Variants in HTR1B observed in about 807,000 individuals in gnomAD.
HTR1B encodes the protein 5-hydroxytryptamine (serotonin) receptor 1B, G protein-coupled.
In HTR1B, 12 loss-of-function variants were observed where a neutral mutation model predicts 25.3. The observed-to-expected ratio is 0.47, with a 90% CI of 0.30 to 0.77. The LOEUF is 0.77. HTR1B is among the 30% of genes least tolerant of loss of function. The probability of loss-of-function intolerance (pLI) is 0.06; values close to 1 mark genes in which losing one functional copy is unlikely to be tolerated. For missense variants in HTR1B, 453 were observed against 503.0 expected (o/e 0.90, Z 0.95); for synonymous variants, 224 against 219.1 (o/e 1.02, Z -0.20).
Position 77,462,967 on chromosome 6 carries a change from T to C in HTR1B, c.437A>G (p.Asp146Gly). The part of the protein sequence containing the change: ...SILHLCVIAL[D>G]RYWAITDAVE... ...GGCGTCCGTGATGGCCCAGTAGCGG[T>C]CCAGGGCGATGACACAGAGGTGCAG... The change falls in exon 1 of 1, where the codon GAC becomes GGC. Residue 146 changes from aspartate to glycine, a missense_variant. By Grantham distance (94) the Asp-to-Gly change is moderately conservative. Transcript: ENST00000369947. This position sits in a 1 kb window ranked among gnomAD's most constrained non-coding sequence, Gnocchi z 4.9. 6.2e-7 allele frequency: 1 copy of C among 1,613,976 alleles called. No homozygotes were observed. The highest frequency in any genetic ancestry group is 8.5e-7 in the Non-Finnish European group (1 of 1,180,030).
Position 77,462,646 on chromosome 6 carries a change from C to T in HTR1B, c.758G>A (p.Arg253Gln), listed in dbSNP as rs774927649. ...GGGGGAGTCGGTTATCAGCTGGGCT[C>T]GGGTCAAGCGCTTGCCGGTCCTGTT... ...TPNRTGKRLT[R>Q]AQLITDSPGS... The change falls in exon 1 of 1, where the codon CGA becomes CAA. Residue 253 changes from arginine (R) to glutamine (Q), a missense_variant. Coordinates refer to ENST00000369947, the MANE Select transcript of HTR1B (RefSeq NM_000863.3). The surrounding 1 kb of genome is among the most constrained non-coding windows in gnomAD (Gnocchi z 4.9). 29 of 1,613,054 alleles carry T rather than the reference C, an allele frequency of 1.8e-5. No individual in the cohort carries two copies. Among genetic ancestry groups the T allele is most frequent in the East Asian group, 6.7e-5 (3 of 44,866 alleles).
chr6:77,462,965 G>T lies in HTR1B; in HGVS notation c.439C>A (p.Arg147Ser). ...ILHLCVIALDRYWAITDAVEY... is the reference protein window; with the variant it reads ...ILHLCVIALDSYWAITDAVEY... ...ACGGCGTCCGTGATGGCCCAGTAGC[G>T]GTCCAGGGCGATGACACAGAGGTGC... Residue 147 changes from arginine (R) to serine (S), a missense_variant, in exon 1 of 1, where the codon CGC (arginine) becomes AGC (serine). Transcript: ENST00000369947. The surrounding 1 kb of genome is among the most constrained non-coding windows in gnomAD (Gnocchi z 4.9). 6.2e-7 allele frequency: 1 copy of T among 1,614,082 alleles called. No individual in the cohort carries two copies. Among genetic ancestry groups the T allele is most frequent in the Non-Finnish European group, 8.5e-7 (1 of 1,180,048 alleles).
At position 77,462,000 on chromosome 6, in the gene HTR1B, G is replaced by C. The variant is rs73469291; in HGVS notation, c.*231C>G. 6 of 518,788 alleles carry C rather than the reference G, an allele frequency of 1.2e-5. No homozygotes were observed. Among genetic ancestry groups the C allele is most frequent in the Non-Finnish European group, 1.7e-5 (5 of 291,540 alleles). The allele number at this position is 518,788 out of a possible 1,614,324, so 32.1% of individuals were successfully genotyped here. A position where few individuals can be genotyped will look rare whatever the true frequency, so the allele number is the denominator to read the frequency against. On this transcript the variant is annotated 3_prime_UTR_variant, in exon 1 of 1. Coordinates refer to ENST00000369947, the MANE Select transcript of HTR1B (RefSeq NM_000863.3). ...CAGTGCTGAGCCCGGGGCTTGAGGG[G>C]AGGAAGTGAGCCTCCTCCTGGGCAG...
Position 77,462,305 on chromosome 6 carries a change from T to G in HTR1B, c.1099A>C (p.Ile367Leu). ...LGYLNSLINPIIYTMSNEDFK... is the reference protein window; with the variant it reads ...LGYLNSLINPLIYTMSNEDFK... Reference sequence around the variant, plus strand: ...TCCTCATTGGACATGGTATAGATTATGGGGTTGATGAGGGAGTTGAGATAG... The same window carrying G: ...TCCTCATTGGACATGGTATAGATTAGGGGGTTGATGAGGGAGTTGAGATAG... The change falls in exon 1 of 1, where the codon ATA (isoleucine) becomes CTA (leucine). Residue 367 changes from isoleucine (I) to leucine (L), a missense_variant. Ile to Leu is a conservative substitution (Grantham distance 5). Coordinates refer to ENST00000369947, the MANE Select transcript of HTR1B (RefSeq NM_000863.3). The surrounding 1 kb of genome is among the most constrained non-coding windows in gnomAD (Gnocchi z 4.9). 6.2e-7 allele frequency: 1 copy of G among 1,614,048 alleles called. No homozygotes were observed. Among genetic ancestry groups the G allele is most frequent in the Non-Finnish European group, 8.5e-7 (1 of 1,179,940 alleles).
chr6:77,462,902 C>A lies in HTR1B; in HGVS notation c.502G>T (p.Val168Phe). 6.2e-7 allele frequency: 1 copy of A among 1,614,022 alleles called. No individual in the cohort carries two copies. Among genetic ancestry groups the A allele is most frequent in the Non-Finnish European group, 8.5e-7 (1 of 1,180,036 alleles). Residue 168 changes from valine (V) to phenylalanine (F), a missense_variant, in exon 1 of 1, where the codon GTC becomes TTC. This residue lies in a region of HTR1B where 289 missense variants were observed against 319.6 expected (regional missense o/e 0.90). Coordinates refer to ENST00000369947, the MANE Select transcript of HTR1B (RefSeq NM_000863.3). The surrounding 1 kb of genome is among the most constrained non-coding windows in gnomAD (Gnocchi z 4.9). ...SAKRTPKRAA[V>F]MIALVWVFSI... is the part of the protein sequence containing the mutation. ...AAGACCCACACCAGCGCGATCATGA[C>A]CGCCGCCCTCTTGGGAGTCCTTTTA...
In HTR1B at chr6:77,461,350, T is replaced by C. The variant is rs1252260201; in HGVS notation, c.*881A>G. ...TACCCTTCATTTATGGGGATTTAAA[T>C]GTGTAAAGTGACAGGTACATGAAAT... is the stretch of plus-strand genomic sequence containing the variant. On this transcript the variant is annotated 3_prime_UTR_variant, in exon 1 of 1. Coordinates refer to ENST00000369947, the MANE Select transcript of HTR1B (RefSeq NM_000863.3). 6.6e-6 allele frequency among the ~76,000 whole-genome samples: 1 copy of C among 152,172 alleles called. No homozygotes were observed. The highest frequency in any genetic ancestry group is 2.4e-5 in the African/African-American group (1 of 41,434).
rs908172549 is a variant in HTR1B at position 77,461,266 on chromosome 6, G to A, written c.*965C>T. Among the ~76,000 whole-genome samples, 15 of 152,064 alleles carry A rather than the reference G, an allele frequency of 9.9e-5. No individual in the cohort carries two copies. The highest frequency in any genetic ancestry group is 1.8e-4 in the Non-Finnish European group (12 of 68,018). Reference sequence around the variant, plus strand: ...AAACAGTATATTTCCAATACTAATCGGTTTTACCAATTGCATTAGTAAGAA... The same window carrying A: ...AAACAGTATATTTCCAATACTAATCAGTTTTACCAATTGCATTAGTAAGAA... On this transcript the variant is annotated 3_prime_UTR_variant, in exon 1 of 1. Coordinates refer to ENST00000369947, the MANE Select transcript of HTR1B (RefSeq NM_000863.3).
rs201793745 is a variant in HTR1B at position 77,462,547 on chromosome 6, T to G, written c.857A>C (p.Tyr286Ser). 1.9e-6 allele frequency: 3 copies of G among 1,613,572 alleles called. No homozygotes were observed. The highest frequency in any genetic ancestry group is 2.5e-6 in the Non-Finnish European group (3 of 1,180,014). ...DVPSESGSPV[Y>S]VNQVKVRVSD... ...GACTCGCACTTTGACTTGGTTCACA[T>G]ACACAGGAGATCCGGATTCGCTGGG... The change falls in exon 1 of 1, where the codon TAT (tyrosine) becomes TCT (serine). Residue 286 changes from tyrosine to serine, a missense_variant. This residue lies in a region of HTR1B where 289 missense variants were observed against 319.6 expected (regional missense o/e 0.90). Transcript: ENST00000369947. The surrounding 1 kb of genome is among the most constrained non-coding windows in gnomAD (Gnocchi z 4.9).
rs943889573 is a variant in HTR1B at position 77,463,410 on chromosome 6, C to T, written c.-7G>A. 1.2e-6 allele frequency: 2 copies of T among 1,607,292 alleles called. No homozygotes were observed. Among genetic ancestry groups the T allele is most frequent in the Middle Eastern group, 4.0e-4 (2 of 5,034 alleles). On this transcript the variant is annotated 5_prime_UTR_variant, in exon 1 of 1. Coordinates refer to ENST00000369947, the MANE Select transcript of HTR1B (RefSeq NM_000863.3). ...GAGCACCCGGTTCCTCCATGGCTCT[C>T]CTCGCCCCAGCTCCGGAGCGCAGCT...
rs1166194002 is a variant in HTR1B at position 77,462,835 on chromosome 6, G to C, written c.569C>G (p.Ala190Gly). The change falls in exon 1 of 1, where the codon GCT becomes GGT. Residue 190 changes from alanine to glycine, a missense_variant. Physicochemically the swap from Ala to Gly is moderately conservative, Grantham distance 60 (BLOSUM62 0). This residue lies in a region of HTR1B where 289 missense variants were observed against 319.6 expected (regional missense o/e 0.90). Coordinates refer to ENST00000369947, the MANE Select transcript of HTR1B (RefSeq NM_000863.3). The surrounding 1 kb of genome is among the most constrained non-coding windows in gnomAD (Gnocchi z 4.9). ...TTCCGACACCTCCTCTTCGGCCTTAGCCTGACGCCAGAAGAAGGGCGGCAG... is the reference window on the plus strand; with the variant it reads ...TTCCGACACCTCCTCTTCGGCCTTACCCTGACGCCAGAAGAAGGGCGGCAG... ...ISLPPFFWRQ[A>G]KAEEEVSECV... is the part of the protein sequence containing the mutation. 1.2e-6 allele frequency: 2 copies of C among 1,613,928 alleles called. No homozygotes were observed. The highest frequency in any genetic ancestry group is 1.7e-6 in the Non-Finnish European group (2 of 1,180,038).
chr6:77,463,439 G>C lies in HTR1B; in HGVS notation c.-36C>G, dbSNP rs1026647578. 35 of 1,567,612 alleles carry C rather than the reference G, an allele frequency of 2.2e-5. No individual in the cohort carries two copies. Among genetic ancestry groups the C allele is most frequent in the Non-Finnish European group, 2.4e-5 (28 of 1,150,750 alleles). ...GCCCCAGCTCCGGAGCGCAGCTCTT[G>C]GGCATGGAGCGGACGAAGGAGAGGG... On this transcript the variant is annotated 5_prime_UTR_variant, in exon 1 of 1. Coordinates refer to ENST00000369947, the MANE Select transcript of HTR1B (RefSeq NM_000863.3).
In HTR1B at chr6:77,462,154, A is replaced by G; in HGVS notation, c.*77T>C. The G allele has an allele frequency of 1.0e-6, 1 of 993,740 alleles. No homozygotes were observed. Among genetic ancestry groups the G allele is most frequent in the South Asian group, 1.5e-5 (1 of 65,130 alleles). 61.6% of individuals were successfully genotyped at this position (993,740 alleles called of 1,614,324 possible). Reference sequence around the variant, plus strand: ...GCTGGGACCCAGAAACCGCGAAAGAAGATTCGACCTACCTGTGGAACCAGA... The same window carrying G: ...GCTGGGACCCAGAAACCGCGAAAGAGGATTCGACCTACCTGTGGAACCAGA... On this transcript the variant is annotated 3_prime_UTR_variant, in exon 1 of 1. Coordinates refer to ENST00000369947, the MANE Select transcript of HTR1B (RefSeq NM_000863.3). The surrounding 1 kb of genome is among the most constrained non-coding windows in gnomAD (Gnocchi z 4.9).
Position 77,463,089 on chromosome 6 carries a change from G to T in HTR1B, c.315C>A (p.Ile105=), listed in dbSNP as rs575410261. Residue 105 remains isoleucine (I), a synonymous_variant, in exon 1 of 1, where the codon ATC becomes ATA. Transcript: ENST00000369947. ...GGCCGGTGACAGTGTACATGGTGCTGATGGGCATCACCAGGATGGACACAA... is the reference window on the plus strand; with the variant it reads ...GGCCGGTGACAGTGTACATGGTGCTTATGGGCATCACCAGGATGGACACAA... ...DLLVSILVMP[I]STMYTVTGRW... is the part of the protein sequence containing the mutation. The T allele has an allele frequency of 2.9e-5, 47 of 1,614,214 alleles. 1 individual carries two copies. In the South Asian group the frequency reaches 4.7e-4, roughly 16 times the overall value.
chr6:77,461,426 GGTTT>G lies in HTR1B; in HGVS notation c.*801_*804del, dbSNP rs1766133729. ...AGACTTCGGCACTAGCACACATAAT[GGTTT>G]GTTTGTTAGAGTTGTGGCTTGACAA... is the stretch of plus-strand genomic sequence containing the variant. On this transcript the variant is annotated 3_prime_UTR_variant, in exon 1 of 1. Coordinates refer to ENST00000369947, the MANE Select transcript of HTR1B (RefSeq NM_000863.3). Among the ~76,000 whole-genome samples the G allele has an allele frequency of 6.6e-6, 1 of 152,056 alleles. No individual in the cohort carries two copies. The highest frequency in any genetic ancestry group is 2.4e-5 in the African/African-American group (1 of 41,392).
rs772064678 is a variant in HTR1B at position 77,462,903 on chromosome 6, C to T, written c.501G>A (p.Ala167=). 7 of 1,614,036 alleles carry T rather than the reference C, an allele frequency of 4.3e-6. No individual in the cohort carries two copies. Among genetic ancestry groups the T allele is most frequent in the South Asian group, 2.2e-5 (2 of 91,084 alleles). The part of the protein sequence containing the change: ...YSAKRTPKRA[A]VMIALVWVFS... ...AGACCCACACCAGCGCGATCATGACCGCCGCCCTCTTGGGAGTCCTTTTAG... is the reference window on the plus strand; with the variant it reads ...AGACCCACACCAGCGCGATCATGACTGCCGCCCTCTTGGGAGTCCTTTTAG... Residue 167 remains alanine (A), a synonymous_variant, in exon 1 of 1, where the codon GCG becomes GCA. Coordinates refer to ENST00000369947, the MANE Select transcript of HTR1B (RefSeq NM_000863.3). This position sits in a 1 kb window ranked among gnomAD's most constrained non-coding sequence, Gnocchi z 4.9.
At position 77,463,383 on chromosome 6, in the gene HTR1B, C is replaced by G; in HGVS notation, c.21G>C (p.Gln7His). The G allele has an allele frequency of 6.2e-7, 1 of 1,612,966 alleles. No homozygotes were observed. Among genetic ancestry groups the G allele is most frequent in the South Asian group, 1.1e-5 (1 of 90,982 alleles). ...AGCCCGCGGGCGGCGGTGGAGCGCA[C>G]TGAGCACCCGGTTCCTCCATGGCTC... MEEPGA[Q>H]CAPPPPAGSE... The change falls in exon 1 of 1, where the codon CAG becomes CAC. Residue 7 changes from glutamine to histidine, a missense_variant. Coordinates refer to ENST00000369947, the MANE Select transcript of HTR1B (RefSeq NM_000863.3).
In HTR1B at chr6:77,463,056, T is replaced by A; in HGVS notation, c.348A>T (p.Thr116=). Residue 116 remains threonine (T), a synonymous_variant, in exon 1 of 1, where the codon ACA becomes ACT. Transcript: ENST00000369947. ...AGAAGTCACAGACCACCTGGCCCAGTGTCCAGCGGCCGGTGACAGTGTACA... is the reference window on the plus strand; with the variant it reads ...AGAAGTCACAGACCACCTGGCCCAGAGTCCAGCGGCCGGTGACAGTGTACA... ...STMYTVTGRW[T]LGQVVCDFWL... 3 of 1,614,164 alleles carry A rather than the reference T, an allele frequency of 1.9e-6. No homozygotes were observed. The highest frequency in any genetic ancestry group is 1.7e-6 in the Non-Finnish European group (2 of 1,180,046).
At position 77,461,705 on chromosome 6, in the gene HTR1B, A is replaced by T; in HGVS notation, c.*526T>A. On this transcript the variant is annotated 3_prime_UTR_variant, in exon 1 of 1. Coordinates refer to ENST00000369947, the MANE Select transcript of HTR1B (RefSeq NM_000863.3). ...AGTTTCTCCAACCAAGTTTAAATAG[A>T]CAAAAAGTGAAGACTGAATGATGCC... The T allele has an allele frequency of 6.5e-6, 1 of 153,462 alleles. No individual in the cohort carries two copies. Among genetic ancestry groups the T allele is most frequent in the East Asian group, 1.9e-4 (1 of 5,204 alleles). 9.5% of individuals were successfully genotyped at this position (153,462 alleles called of 1,614,324 possible). A position where few individuals can be genotyped will look rare whatever the true frequency, so the allele number is the denominator to read the frequency against.
At position 77,463,122 on chromosome 6, in the gene HTR1B, G is replaced by T; in HGVS notation, c.282C>A (p.Thr94=). The T allele has an allele frequency of 1.2e-6, 2 of 1,614,228 alleles. No homozygotes were observed. The highest frequency in any genetic ancestry group is 1.7e-6 in the Non-Finnish European group (2 of 1,180,050). The change falls in exon 1 of 1, where the codon ACC becomes ACA. Residue 94 remains threonine, a synonymous_variant. Transcript: ENST00000369947. The part of the protein sequence containing the change: ...ANYLIASLAV[T]DLLVSILVMP... ...TCACCAGGATGGACACAAGCAGGTC[G>T]GTGACCGCCAGAGAGGCGATCAGGT...
Sources: allele counts gnomAD v4.1 joint callset (sites outside exome capture counted in the v4.1 genomes callset), GRCh38; gene constraint gnomAD v4.1.1; regional missense constraint gnomAD v4.1.1; non-coding constraint Gnocchi (gnomAD v3.1); transcripts MANE v1.5; gene names NCBI Gene and HGNC (gene_info 2026-07-23, HGNC 2026-07-21).